EPB41L2: variants seen among roughly 807,000 people sequenced by gnomAD.
EPB41L2 encodes the protein band 4.1-like protein 2.
EPB41L2 carries 43 observed loss-of-function variants against 113.0 expected under a neutral mutation model. That is an observed-to-expected ratio of 0.38 (90% CI 0.30 to 0.49). The LOEUF is 0.49. Ranked by LOEUF, EPB41L2 falls within the 20% of genes least tolerant of loss-of-function variation. The pLI, the probability that EPB41L2 is intolerant of heterozygous loss-of-function variation, is 0.95. For synonymous variants in EPB41L2, 442 were observed against 436.7 expected, an observed-to-expected ratio of 1.01 and a Z score of -0.15; for missense variants, 1,147 against 1,223.4, an observed-to-expected ratio of 0.94 and a Z score of 0.93.
Position 130,885,125 on chromosome 6 carries a change from C to A in EPB41L2, c.1804G>T (p.Ala602Ser). The change falls in exon 12 of 20, where the codon GCC becomes TCC. Residue 602 changes from alanine (A) to serine (S), a missense_variant. Transcript: ENST00000337057. ...GRREVRSPTKAPHLQLIEGKK... is the reference protein window; with the variant it reads ...GRREVRSPTKSPHLQLIEGKK... ...CCTTCAATGAGCTGCAAATGTGGGG[C>A]TTTAGTTGGGCTTCTCACTTCCCTC... The A allele has an allele frequency of 6.2e-7, 1 of 1,614,100 alleles. No individual in the cohort carries two copies. Among genetic ancestry groups the A allele is most frequent in the Non-Finnish European group, 8.5e-7 (1 of 1,179,996 alleles).
rs538698276 is a variant in EPB41L2 at position 130,917,584 on chromosome 6, C to T, written c.811-8721G>A. On this transcript the variant is annotated intron_variant, in intron 4 of 19. Transcript: ENST00000337057. ...TTATTAGTTTCCCATCTACTAACCC[C>T]CACCCTGCTCCTTGACTATAAATTT... 8.5e-5 allele frequency among the ~76,000 whole-genome samples: 13 copies of T among 152,208 alleles called. No homozygotes were observed. In the East Asian group the frequency reaches 2.3e-3, roughly 27 times the overall value.
At chr6:131,000,638 C>T (rs185080211) in intron 1 of EPB41L2, 12 of 152,320 alleles carry the variant, frequency 7.9e-5, no homozygotes, top group East Asian at 3.9e-4. Context: ...GTAATAAATT[C>T]GCTGGGTAAA....
chr6:130,878,024 G>A (rs1788098914), intron 14 of EPB41L2, 80 bp downstream of exon 14: 4 of 1,377,772 alleles, frequency 2.9e-6, no homozygotes, highest in Middle Eastern at 2.4e-4. Context: ...AACTTCCCTA[G>A]ACTCAACATA....
At chr6:130,881,341 G>C (rs1789248021) in intron 12 of EPB41L2, 1 of 152,164 alleles carries the variant, frequency 6.6e-6, no homozygotes, top group Admixed American at 6.5e-5. Context: ...AAGGAGCTCA[G>C]AGTCTTTATC....
intron 18 of EPB41L2, among the ~76,000 whole-genome samples, chr6:130,860,301 T>G (rs1461499312): frequency 6.6e-6 from 1 of 152,196 alleles, no homozygotes; most frequent in South Asian, 2.1e-4. Flanking sequence ...AAAATGTAGA[T>G]GATGCCCAAG....
At chr6:130,930,550 A>G (rs185063256) in intron 3 of EPB41L2, among the ~76,000 whole-genome samples, 46 of 152,306 alleles carry the variant, frequency 3.0e-4, no homozygotes, top group Non-Finnish European at 5.9e-4. Flanking sequence ...CTGTACCACC[A>G]TCTGACTCTA....
At chr6:131,010,404 G>T (rs972795344) in intron 1 of EPB41L2, among the ~76,000 whole-genome samples, 3 of 147,556 alleles carry the variant, frequency 2.0e-5, no homozygotes, top group South Asian at 4.3e-4. Context: ...TAGAAATAAA[G>T]AATTAATTAA....
intron 19 of EPB41L2, among the ~76,000 whole-genome samples, chr6:130,844,761 A>T (rs1312047913): frequency 6.6e-6 from 1 of 152,058 alleles, no homozygotes; most frequent in African/African-American, 2.4e-5. Context: ...TATAAAAATC[A>T]GCTGGGCACG....
intron 11 of EPB41L2, among the ~76,000 whole-genome samples, chr6:130,888,314 T>C (rs143645374): frequency 8.2e-4 from 125 of 152,302 alleles, no homozygotes; most frequent in African/African-American, 2.9e-3. Context: ...ATCCTTTTGA[T>C]GACTTACCCA....
chr6:131,023,197 GACT>G (rs1789916368), intron 1 of EPB41L2, among the ~76,000 whole-genome samples: 1 of 152,080 alleles, frequency 6.6e-6, no homozygotes, highest in Admixed American at 6.5e-5. Flanking sequence ...ATGTGTATGT[GACT>G]ACTATGTAAT....
chr6:131,013,109 T>C (rs915655698), intron 1 of EPB41L2, among the ~76,000 whole-genome samples: 2 of 152,214 alleles, frequency 1.3e-5, no homozygotes, highest in African/African-American at 4.8e-5. Flanking sequence ...CCTGGCACAC[T>C]GTAAGTACTA....
In EPB41L2 at chr6:131,049,651, C is replaced by T. The variant is rs79202256; in HGVS notation, c.-15+13504G>A. On this transcript the variant is annotated intron_variant, in intron 1 of 19. Transcript: ENST00000337057. ...TGAACCATTGTCTAGCGTATAACCA[C>T]TGCCACATTTGCTTTTCAAATACTT... Among the ~76,000 whole-genome samples the T allele has an allele frequency of 5.9e-3, 894 of 152,350 alleles. 32 individuals carry two copies. The East Asian group carries it at 0.068, about 12-fold the overall frequency.
At chr6:130,948,126 AT>A (rs1562559339) in intron 3 of EPB41L2, among the ~76,000 whole-genome samples, 2 of 152,218 alleles carry the variant, frequency 1.3e-5, no homozygotes, top group Non-Finnish European at 2.9e-5. Context: ...TAATGGCAAT[AT>A]TAAGTAATCA....
Position 130,865,651 on chromosome 6 carries a change from G to A in EPB41L2, c.2731-17C>T, listed in dbSNP as rs775824701. 3 of 1,611,886 alleles carry A rather than the reference G, an allele frequency of 1.9e-6. No homozygotes were observed. Among genetic ancestry groups the A allele is most frequent in the East Asian group, 2.2e-5 (1 of 44,858 alleles). On this transcript the variant is annotated splice_polypyrimidine_tract_variant and intron_variant, in intron 16 of 19. Transcript: ENST00000337057. ...GCCATCAATCTTTGGATAGTTGGGG[G>A]AAAAATACAAAGTAATGCTTAACTT...
chr6:130,908,980 C>T (rs1468649479), intron 4 of EPB41L2, 117 bp from the exon 5 acceptor site: 6 of 746,126 alleles, frequency 8.0e-6, no homozygotes, highest in African/African-American at 1.8e-5. Context: ...TTATTCAAAG[C>T]AACTTGCACC....
chr6:130,953,805 T>G (rs923832190), intron 3 of EPB41L2, among the ~76,000 whole-genome samples: 1 of 151,948 alleles, frequency 6.6e-6, no homozygotes, highest in Non-Finnish European at 1.5e-5. Flanking sequence ...GCACTTGGCC[T>G]TTCCACCATG....
intron 18 of EPB41L2, among the ~76,000 whole-genome samples, chr6:130,861,003 CA>C (rs1163256166): frequency 6.6e-6 from 1 of 152,104 alleles, no homozygotes; most frequent in South Asian, 2.1e-4. Flanking sequence ...TTTGCCAACA[CA>C]AAAAAGATTT....
intron 1 of EPB41L2, among the ~76,000 whole-genome samples, chr6:130,973,940 C>T (rs1174151679): frequency 6.6e-6 from 1 of 152,184 alleles, no homozygotes; most frequent in Non-Finnish European, 1.5e-5. Context: ...GTGAAAACTT[C>T]TAACCTATAG....
intron 1 of EPB41L2, among the ~76,000 whole-genome samples, chr6:131,048,555 G>A (rs1314613663): frequency 6.6e-6 from 1 of 152,190 alleles, no homozygotes; most frequent in Non-Finnish European, 1.5e-5. Flanking sequence ...GAAAAGGGGA[G>A]CAGGGGAATC....
Sources: gnomAD v4.1 joint callset for allele counts (sites outside exome capture counted in the v4.1 genomes callset) on GRCh38, gnomAD v4.1.1 for gene constraint, MANE v1.5 for transcripts, NCBI Gene and HGNC (gene_info 2026-07-23, HGNC 2026-07-21) for gene names.